The following FAM120B variants were observed in gnomAD, a reference collection of about 807,000 sequenced individuals.
FAM120B encodes constitutive coactivator of peroxisome proliferator-activated receptor gamma.
FAM120B carries 83 observed loss-of-function variants against 96.3 expected under a neutral mutation model. The observed-to-expected ratio is 0.86, with a 90% confidence interval of 0.72 to 1.03. The LOEUF (loss-of-function observed/expected upper bound fraction) is 1.03. Among genes scored for constraint, FAM120B ranks in the 50% least tolerant of loss-of-function variants. The pLI is 0.00. For synonymous variants in FAM120B, 407 were observed against 402.7 expected (o/e 1.01, Z -0.13); for missense variants, 1,027 against 1,121.2 (o/e 0.92, Z 1.20).
intron 3 of FAM120B, among the ~76,000 whole-genome samples, chr6:170,327,401 T>G (rs1252510029): frequency 2.0e-5 from 3 of 152,200 alleles, no homozygotes; most frequent in Non-Finnish European, 4.4e-5. Context: ...CTTAAAAACA[T>G]TTTTTTCCAA....
chr6:170,292,593 C>G (rs556270575), upstream of FAM120B, among the ~76,000 whole-genome samples: 43 of 152,298 alleles, frequency 2.8e-4, no homozygotes, highest in African/African-American at 9.9e-4. The surrounding 1 kb of genome is among the most constrained non-coding windows in gnomAD (Gnocchi z 6.6). Flanking sequence ...GACTTTCATC[C>G]CGGCAAATGT....
chr6:170,358,254 A>C lies in FAM120B; in HGVS notation c.2219A>C (p.His740Pro). Residue 740 changes from histidine to proline, a missense_variant, in exon 6 of 11, where the codon CAT (histidine) becomes CCT (proline). Transcript: ENST00000476287. ...QVDTLCLEDL[H>P]AFIAQALCLQ... Reference sequence around the variant, plus strand: ...GACACGCTTTGCCTGGAGGATTTGCATGCGTTTATTGCGCAGGCCTTGTGC... The same window carrying C: ...GACACGCTTTGCCTGGAGGATTTGCCTGCGTTTATTGCGCAGGCCTTGTGC... The C allele has an allele frequency of 6.2e-7, 1 of 1,606,288 alleles. No homozygotes were observed. The highest frequency in any genetic ancestry group is 8.5e-7 in the Non-Finnish European group (1 of 1,174,740).
At chr6:170,292,735 A>G, upstream of FAM120B, among the ~76,000 whole-genome samples, 1 of 152,042 alleles carries the variant, frequency 6.6e-6, no homozygotes, top group East Asian at 1.9e-4. This position sits in a 1 kb window ranked among gnomAD's most constrained non-coding sequence, Gnocchi z 6.6. Context: ...TGGAATTGCT[A>G]CTCTGCGGCT....
intron 1 of FAM120B, among the ~76,000 whole-genome samples, chr6:170,297,158 T>C (rs561544256): frequency 6.6e-6 from 1 of 152,206 alleles, no homozygotes; most frequent in Non-Finnish European, 1.5e-5. Context: ...TGGGCCTGTC[T>C]GGCTGCAGGG....
chr6:170,395,679 G>T, intron 9 of FAM120B, 100 bp downstream of exon 9: 2 of 796,978 alleles, frequency 2.5e-6, no homozygotes, highest in Non-Finnish European at 4.2e-6. Context: ...CAGAAAGGTT[G>T]TATAGTTCCA....
intron 6 of FAM120B, among the ~76,000 whole-genome samples, chr6:170,366,849 C>T (rs958992591): frequency 1.3e-5 from 2 of 152,168 alleles, no homozygotes; most frequent in African/African-American, 2.4e-5. Context: ...TCAGGACACA[C>T]ACACTCACCG....
intron 1 of FAM120B, among the ~76,000 whole-genome samples, chr6:170,308,761 T>G (rs1412504780): frequency 6.6e-6 from 1 of 152,200 alleles, no homozygotes; most frequent in African/African-American, 2.4e-5. Flanking sequence ...ATTTTTGTCC[T>G]TCAGACACCT....
intron 2 of FAM120B, among the ~76,000 whole-genome samples, chr6:170,322,188 G>A (rs1785334378): frequency 6.6e-6 from 1 of 152,240 alleles, no homozygotes; most frequent in Non-Finnish European, 1.5e-5. Context: ...CAGAGGAGAA[G>A]CACCTGTGCC....
At chr6:170,379,097 C>A (rs1037639883) in intron 6 of FAM120B, among the ~76,000 whole-genome samples, 2 of 152,166 alleles carry the variant, frequency 1.3e-5, no homozygotes, top group Non-Finnish European at 2.9e-5. Context: ...ACCCAACTCA[C>A]CTTTTGGAAG....
chr6:170,343,495 T>G (rs1786974223), intron 4 of FAM120B, among the ~76,000 whole-genome samples: 1 of 152,086 alleles, frequency 6.6e-6, no homozygotes, highest in Non-Finnish European at 1.5e-5. Context: ...GGATGAAAAT[T>G]TTTTATATTA....
In FAM120B at chr6:170,318,862, C is replaced by T. The variant is rs774656702; in HGVS notation, c.1472C>T (p.Pro491Leu). ...SRQEVLIRTDPESRQEIMCTG... is the reference protein window; with the variant it reads ...SRQEVLIRTDLESRQEIMCTG... ...CAAGAAGTTTTAATACGGACAGACCCTGAATCTAGGCAAGAAATTATGTGT... is the reference window on the plus strand; with the variant it reads ...CAAGAAGTTTTAATACGGACAGACCTTGAATCTAGGCAAGAAATTATGTGT... Residue 491 changes from proline to leucine, a missense_variant, in exon 2 of 11, where the codon CCT becomes CTT. By Grantham distance (98) the Pro-to-Leu change is moderately conservative. Coordinates refer to ENST00000476287, the MANE Select transcript of FAM120B (RefSeq NM_032448.3). 9.9e-6 allele frequency: 16 copies of T among 1,614,174 alleles called. No homozygotes were observed. The highest frequency in any genetic ancestry group is 1.4e-5 in the Non-Finnish European group (16 of 1,180,036).
rs150159905 is a variant in FAM120B, at chr6:170,337,396, G to A, written c.2017+6846G>A. 4.8e-3 allele frequency among the ~76,000 whole-genome samples: 730 copies of A among 152,278 alleles called. 3 individuals carry two copies. Among genetic ancestry groups the A allele is most frequent in the Non-Finnish European group, 8.1e-3 (553 of 68,020 alleles). ...GGGATGAAGCCGACCTGATCGTGGT[G>A]GATAAATTTTTTGATGTGCTGCTGG... On this transcript the variant is annotated intron_variant, in intron 4 of 10. Transcript: ENST00000476287.
chr6:170,296,208 G>A (rs1784000973), intron 1 of FAM120B, among the ~76,000 whole-genome samples: 1 of 152,172 alleles, frequency 6.6e-6, no homozygotes, highest in African/African-American at 2.4e-5. Flanking sequence ...CCGGGACCCG[G>A]GGCTGGGGGG....
upstream of FAM120B, among the ~76,000 whole-genome samples, chr6:170,304,682 C>T (rs1784217129): frequency 6.6e-6 from 1 of 152,162 alleles, no homozygotes; most frequent in Non-Finnish European, 1.5e-5. Flanking sequence ...TTCCTGCTCC[C>T]CTCAGCATGA....
At chr6:170,311,981 G>A (rs1244764191) in intron 1 of FAM120B, among the ~76,000 whole-genome samples, 1 of 152,132 alleles carries the variant, frequency 6.6e-6, no homozygotes, top group East Asian at 1.9e-4. Flanking sequence ...CTTAGTTATG[G>A]CGTGCAATAT....
chr6:170,405,681 G>C lies in FAM120B; in HGVS notation c.*930G>C, dbSNP rs1049645861. The C allele has an allele frequency of 3.3e-5, 5 of 152,222 alleles. No individual in the cohort carries two copies. Among genetic ancestry groups the C allele is most frequent in the African/African-American group, 1.2e-4 (5 of 41,454 alleles). 9.4% of individuals were successfully genotyped at this position (152,222 alleles called of 1,614,324 possible). On this transcript the variant is annotated 3_prime_UTR_variant, in exon 11 of 11. Transcript: ENST00000476287. ...CTTGGTCCTCAGAAGTGTTTGAATAGAAAAGTAACAACTAACTTCCCATCT... is the reference window on the plus strand; with the variant it reads ...CTTGGTCCTCAGAAGTGTTTGAATACAAAAGTAACAACTAACTTCCCATCT...
Position 170,370,385 on chromosome 6 carries a change from A to C in FAM120B, c.2283+12067A>C, listed in dbSNP as rs537473164. Among the ~76,000 whole-genome samples the C allele has an allele frequency of 2.0e-5, 3 of 152,320 alleles. No individual in the cohort carries two copies. The South Asian group carries it at 6.2e-4, about 32-fold the overall frequency. ...AGATGCCCCAGCCACCTGAGGGTCC[A>C]TCACCCTTCCTCTGGGGGGTGAGGC... On this transcript the variant is annotated intron_variant, in intron 6 of 10. Transcript: ENST00000476287. The surrounding 1 kb of genome is among the most constrained non-coding windows in gnomAD (Gnocchi z 4.3).
chr6:170,387,067 AC>A (rs1424093822), intron 6 of FAM120B, among the ~76,000 whole-genome samples: 7 of 152,164 alleles, frequency 4.6e-5, no homozygotes, highest in Non-Finnish European at 1.0e-4. Context: ...TACACTTCTC[AC>A]TAACACGTCC....
chr6:170,357,518 G>A (rs564840417), intron 5 of FAM120B, among the ~76,000 whole-genome samples: 25 of 152,260 alleles, frequency 1.6e-4, no homozygotes, highest in African/African-American at 5.3e-4. Flanking sequence ...CAGAGGATTA[G>A]TAGGGTCTCA....
Sources: allele counts gnomAD v4.1 joint callset (sites outside exome capture counted in the v4.1 genomes callset), GRCh38; gene constraint gnomAD v4.1.1; non-coding constraint Gnocchi (gnomAD v3.1); transcripts MANE v1.5; gene names NCBI Gene and HGNC (gene_info 2026-07-23, HGNC 2026-07-21).